Variants in CFAP61 observed in about 807,000 individuals in gnomAD.
CFAP61 encodes the protein cilia and flagella associated protein 61.
In CFAP61, 107 loss-of-function variants were observed where a neutral mutation model predicts 135.6. The ratio of observed to expected loss-of-function variants is 0.79; its 90% CI spans 0.67 to 0.93. The LOEUF is 0.93. Among genes scored for constraint, CFAP61 ranks in the 40% least tolerant of loss-of-function variants. The pLI is 0.00. For missense variants in CFAP61, 1,507 were observed against 1,556.2 expected, an observed-to-expected ratio of 0.97 and a Z score of 0.53; for synonymous variants, 575 against 578.5, an observed-to-expected ratio of 0.99 and a Z score of 0.09.
intron 20 of CFAP61, among the ~76,000 whole-genome samples, chr20:20,258,003 C>A (rs1026637488): frequency 1.3e-5 from 2 of 152,140 alleles, no homozygotes; most frequent in African/African-American, 4.8e-5. Flanking sequence ...AAAACAGACA[C>A]AATGGTTAAA....
At chr20:20,055,760 A>T (rs2044272876) in intron 1 of CFAP61, among the ~76,000 whole-genome samples, 1 of 152,160 alleles carries the variant, frequency 6.6e-6, no homozygotes, top group African/African-American at 2.4e-5. Context: ...GACAATATTT[A>T]TGGTTAGCTT....
rs2058460876 is a variant in CFAP61, at chr20:20,342,031, TA to T, written c.3513+114del. 6 of 684,202 alleles carry T rather than the reference TA, an allele frequency of 8.8e-6. No individual in the cohort carries two copies. In the South Asian group the frequency reaches 1.4e-4, roughly 16 times the overall value. The allele number at this position is 684,202 out of a possible 1,614,324, so 42.4% of individuals were successfully genotyped here. On this transcript the variant is annotated intron_variant, in intron 26 of 26. Coordinates refer to ENST00000245957, the MANE Select transcript of CFAP61 (RefSeq NM_015585.4). Reference sequence around the variant, plus strand: ...ATTCCCATTTTATGGTTTTACTTTTTAAAACAACAGTATCTCATATAAACAA... The same window carrying T: ...ATTCCCATTTTATGGTTTTACTTTTTAAACAACAGTATCTCATATAAACAA...
At chr20:20,160,137 T>C (rs1299474704) in intron 10 of CFAP61, among the ~76,000 whole-genome samples, 1 of 152,232 alleles carries the variant, frequency 6.6e-6, no homozygotes, top group Non-Finnish European at 1.5e-5. Context: ...GAGGGTGTTG[T>C]AGGCTTTTGA....
intron 17 of CFAP61, among the ~76,000 whole-genome samples, chr20:20,200,377 G>C (rs2056553930): frequency 6.6e-6 from 1 of 152,048 alleles, no homozygotes; most frequent in Non-Finnish European, 1.5e-5. Context: ...TCCTCCATTT[G>C]AATCAAGATG....
intron 8 of CFAP61, among the ~76,000 whole-genome samples, chr20:20,128,492 C>T (rs1600822694): frequency 6.6e-6 from 1 of 151,880 alleles, no homozygotes; most frequent in East Asian, 1.9e-4. Flanking sequence ...AGAGGAGGAT[C>T]TCCCTTTCCC....
chr20:20,144,791 C>A (rs1371049454), intron 9 of CFAP61, among the ~76,000 whole-genome samples: 1 of 151,886 alleles, frequency 6.6e-6, no homozygotes, highest in Admixed American at 6.6e-5. Context: ...TGGGGGAAGT[C>A]AAGTTAGGAA....
At chr20:20,209,218 T>C (rs2047456947) in intron 17 of CFAP61, among the ~76,000 whole-genome samples, 1 of 152,192 alleles carries the variant, frequency 6.6e-6, no homozygotes, top group Non-Finnish European at 1.5e-5. Flanking sequence ...ACCATTGCTG[T>C]GTGTAGGCCA....
At chr20:20,153,312 A>ACT (rs2052609259) in intron 9 of CFAP61, among the ~76,000 whole-genome samples, 2 of 152,164 alleles carry the variant, frequency 1.3e-5, no homozygotes, top group African/African-American at 4.8e-5. Flanking sequence ...ACCTCAAGGA[A>ACT]CTAGAGAAAC....
intron 4 of CFAP61, 113 bp downstream of exon 4, chr20:20,074,491 G>A (rs2045928010): frequency 1.2e-6 from 1 of 850,402 alleles, no homozygotes; most frequent in Admixed American, 2.1e-5. Flanking sequence ...CTTGTAATTT[G>A]TGGCTATATT....
intron 20 of CFAP61, among the ~76,000 whole-genome samples, chr20:20,257,435 T>G (rs1235118272): frequency 6.6e-6 from 1 of 151,896 alleles, no homozygotes; most frequent in African/African-American, 2.4e-5. Flanking sequence ...ACCAACATGG[T>G]GAAACCCCAT....
At chr20:20,317,367 A>G (rs2057196600) in intron 25 of CFAP61, among the ~76,000 whole-genome samples, 1 of 152,002 alleles carries the variant, frequency 6.6e-6, no homozygotes, top group African/African-American at 2.4e-5. Context: ...CTGGGATTGC[A>G]CTGCTGCAGG....
chr20:20,320,059 A>T (rs2182834), intron 25 of CFAP61, among the ~76,000 whole-genome samples: 75,240 of 151,378 alleles, frequency 0.5, 19,019 homozygotes, highest in African/African-American at 0.58. Context: ...TATATTAAAT[A>T]CAGAGTGGGA....
intron 17 of CFAP61, among the ~76,000 whole-genome samples, chr20:20,202,141 C>G (rs1569122490): frequency 2.0e-5 from 3 of 152,134 alleles, no homozygotes. Context: ...GTAACCTTTT[C>G]CATGTTTATC....
Position 20,180,253 on chromosome 20 carries a change from C to T in CFAP61, c.1386-7677C>T, listed in dbSNP as rs191559718. Among the ~76,000 whole-genome samples the T allele has an allele frequency of 4.0e-3, 609 of 151,946 alleles. 1 individual carries two copies. Among genetic ancestry groups the T allele is most frequent in the Admixed American group, 5.8e-3 (88 of 15,260 alleles). On this transcript the variant is annotated intron_variant, in intron 13 of 26. Coordinates refer to ENST00000245957, the MANE Select transcript of CFAP61 (RefSeq NM_015585.4). ...CTGAGGCAGGAGAATGGCGTGAACC[C>T]GCAAGGTGGAGCTTGCAGTGAGCCG...
chr20:20,171,512 T>C (rs1337454259), intron 13 of CFAP61, among the ~76,000 whole-genome samples: 1 of 152,176 alleles, frequency 6.6e-6, no homozygotes, highest in Non-Finnish European at 1.5e-5. Context: ...AGCTAGCAGG[T>C]CTCATAGTGT....
At position 20,164,046 on chromosome 20, in the gene CFAP61, C is replaced by G. The variant is rs758007739; in HGVS notation, c.1027-4C>G. On this transcript the variant is annotated splice_polypyrimidine_tract_variant and splice_region_variant and intron_variant, in intron 10 of 26. Transcript: ENST00000245957. ...CATTGGCTCCTCCTGTCTCCTTGCTCTAGGACATAGAAAAACTCAGTGACA... is the reference window on the plus strand; with the variant it reads ...CATTGGCTCCTCCTGTCTCCTTGCTGTAGGACATAGAAAAACTCAGTGACA... The G allele has an allele frequency of 3.7e-6, 6 of 1,604,400 alleles. No individual in the cohort carries two copies. In the African/African-American group the frequency reaches 6.7e-5, roughly 18 times the overall value.
At chr20:20,085,678 G>T in intron 6 of CFAP61, 1 of 372,990 alleles carries the variant, frequency 2.7e-6, no homozygotes. Flanking sequence ...AAAAGCCTAT[G>T]GTGCACAGTT....
At chr20:20,321,065 C>T (rs1471682117) in intron 25 of CFAP61, among the ~76,000 whole-genome samples, 1 of 151,400 alleles carries the variant, frequency 6.6e-6, no homozygotes, top group Admixed American at 6.6e-5. Flanking sequence ...AAAAGTTATA[C>T]AAGAAAGGCC....
chr20:20,191,742 C>G (rs1288635815), intron 15 of CFAP61, among the ~76,000 whole-genome samples: 4 of 151,412 alleles, frequency 2.6e-5, no homozygotes, highest in African/African-American at 7.4e-5. Context: ...TGTAGTGATG[C>G]ATTTATACCT....
Sources: gnomAD v4.1 joint callset for allele counts (sites outside exome capture counted in the v4.1 genomes callset) on GRCh38, gnomAD v4.1.1 for gene constraint, MANE v1.5 for transcripts, NCBI Gene and HGNC (gene_info 2026-07-23, HGNC 2026-07-21) for gene names.